KHDRBS2: variants seen among roughly 807,000 people sequenced by gnomAD.
The protein encoded by KHDRBS2 is KH domain-containing, RNA-binding, signal transduction-associated protein 2.
Under a neutral mutation model 44.3 loss-of-function variants are expected in KHDRBS2, and 26 were observed. The observed-to-expected ratio is 0.59, with a 90% CI of 0.43 to 0.81. The LOEUF (loss-of-function observed/expected upper bound fraction) is 0.81. Ranked by LOEUF, KHDRBS2 falls within the 40% of genes least tolerant of loss-of-function variation. KHDRBS2 has a pLI of 0.00. For synonymous variants in KHDRBS2, 194 were observed against 151.1 expected, an observed-to-expected ratio of 1.28 and a Z score of -2.08; for missense variants, 476 against 433.1, an observed-to-expected ratio of 1.10 and a Z score of -0.88.
the KHDRBS2 span, among the ~76,000 whole-genome samples, chr6:61,654,402 T>C: frequency 6.6e-6 from 1 of 151,882 alleles, no homozygotes; most frequent in Non-Finnish European, 1.5e-5. Flanking sequence ...AAGGGAACAA[T>C]GATTGCTAGT....
At chr6:62,183,394 C>A (rs952143708) in intron 1 of KHDRBS2, among the ~76,000 whole-genome samples, 28 of 151,380 alleles carry the variant, frequency 1.8e-4, no homozygotes, top group African/African-American at 5.8e-4. Context: ...CAACATAGAG[C>A]TATATAGAAC....
At chr6:61,973,576 A>G (rs1295485382) in intron 4 of KHDRBS2, among the ~76,000 whole-genome samples, 1 of 152,194 alleles carries the variant, frequency 6.6e-6, no homozygotes, top group African/African-American at 2.4e-5. Context: ...ACTAAGACAC[A>G]CATCCAACTA....
intron 6 of KHDRBS2, among the ~76,000 whole-genome samples, chr6:61,783,035 A>G (rs1225881940): frequency 6.6e-6 from 1 of 152,006 alleles, no homozygotes; most frequent in Non-Finnish European, 1.5e-5. Context: ...ACTGCGCACC[A>G]TGAGGCCATG....
chr6:61,841,957 T>G (rs953015784), intron 6 of KHDRBS2, among the ~76,000 whole-genome samples: 1 of 152,170 alleles, frequency 6.6e-6, no homozygotes, highest in African/African-American at 2.4e-5. Flanking sequence ...TGGTTGCAGT[T>G]TATGAGCTTT....
chr6:61,848,502 T>C lies in KHDRBS2; in HGVS notation c.810+46133A>G, dbSNP rs868427472. Among the ~76,000 whole-genome samples, 363 of 53,428 alleles carry C rather than the reference T, an allele frequency of 6.8e-3. 16 individuals carry two copies. The highest frequency in any genetic ancestry group is 0.02 in the South Asian group (30 of 1,518). 35.1% of individuals were successfully genotyped at this position (53,428 alleles called of 152,430 possible). A position where few individuals can be genotyped will look rare whatever the true frequency, so the allele number is the denominator to read the frequency against. On this transcript the variant is annotated intron_variant, in intron 6 of 8. Coordinates refer to ENST00000281156, the MANE Select transcript of KHDRBS2 (RefSeq NM_152688.4). Reference sequence around the variant, plus strand: ...ATATATATATATATGTATATATATATATATATATGTATATATGTATATATA... The same window carrying C: ...ATATATATATATATGTATATATATACATATATATGTATATATGTATATATA...
At chr6:61,566,778 A>G in the KHDRBS2 span, among the ~76,000 whole-genome samples, 1 of 152,296 alleles carries the variant, frequency 6.6e-6, no homozygotes, top group African/African-American at 2.4e-5. Context: ...TCTAAGGGCC[A>G]CAGATCCAAG....
chr6:62,285,588 T>A (rs1842373127), intron 1 of KHDRBS2, among the ~76,000 whole-genome samples: 2 of 152,202 alleles, frequency 1.3e-5, no homozygotes, highest in Non-Finnish European at 2.9e-5. Flanking sequence ...ACTTTATGGT[T>A]TCTCTATCAA....
At position 61,814,120 on chromosome 6, in the gene KHDRBS2, T is replaced by C. The variant is rs536017674; in HGVS notation, c.810+80515A>G. The C allele has an allele frequency of 6.7e-6, 3 of 449,404 alleles. No homozygotes were observed. The East Asian group carries it at 2.1e-4, about 31-fold the overall frequency. 27.8% of individuals were successfully genotyped at this position (449,404 alleles called of 1,614,324 possible). On this transcript the variant is annotated intron_variant, in intron 6 of 8. Coordinates refer to ENST00000281156, the MANE Select transcript of KHDRBS2 (RefSeq NM_152688.4). ...TGACTTTTAAGTCCACTCAAATGAGTGATTCTATGATTCTTTGAATCCTGT... is the reference window on the plus strand; with the variant it reads ...TGACTTTTAAGTCCACTCAAATGAGCGATTCTATGATTCTTTGAATCCTGT...
At chr6:61,719,172 C>T (rs1475306985) in intron 7 of KHDRBS2, among the ~76,000 whole-genome samples, 2 of 152,154 alleles carry the variant, frequency 1.3e-5, no homozygotes, top group East Asian at 3.9e-4. Context: ...TTATACCAAT[C>T]TACAGTTAAA....
At chr6:61,591,599 A>G in the KHDRBS2 span, among the ~76,000 whole-genome samples, 3 of 152,094 alleles carry the variant, frequency 2.0e-5, no homozygotes, top group East Asian at 5.8e-4. Context: ...TACTTGATCA[A>G]GCAGTGGTTT....
chr6:61,814,401 G>A (rs1002651485), intron 6 of KHDRBS2, among the ~76,000 whole-genome samples: 6 of 152,110 alleles, frequency 3.9e-5, no homozygotes, highest in Admixed American at 3.9e-4. Context: ...GAGGTCAGGA[G>A]ATCGAGACCA....
intron 4 of KHDRBS2, among the ~76,000 whole-genome samples, chr6:61,970,015 G>A (rs577320420): frequency 4.7e-4 from 71 of 152,038 alleles, no homozygotes; most frequent in African/African-American, 1.6e-3. Flanking sequence ...AACGAAGAAA[G>A]GGAATGAAAG....
intron 6 of KHDRBS2, among the ~76,000 whole-genome samples, chr6:61,853,647 C>T (rs1795771568): frequency 6.6e-6 from 1 of 152,298 alleles, no homozygotes; most frequent in Non-Finnish European, 1.5e-5. Flanking sequence ...TTGCTAGATA[C>T]TGTCTCTGTA....
intron 2 of KHDRBS2, among the ~76,000 whole-genome samples, chr6:62,049,971 C>G (rs1398027086): frequency 3.3e-5 from 5 of 152,042 alleles, no homozygotes; most frequent in Non-Finnish European, 7.4e-5. Flanking sequence ...AAGCATTCTA[C>G]TATAAAGACA....
chr6:61,622,971 G>A, the KHDRBS2 span, among the ~76,000 whole-genome samples: 7 of 152,054 alleles, frequency 4.6e-5, no homozygotes, highest in Non-Finnish European at 8.8e-5. Context: ...GCCTGAAGCT[G>A]GGAGATCACA....
intron 2 of KHDRBS2, among the ~76,000 whole-genome samples, chr6:62,065,272 T>C (rs1012871382): frequency 3.3e-5 from 5 of 152,090 alleles, no homozygotes; most frequent in South Asian, 2.1e-4. Context: ...ACCCAGCCAT[T>C]CCATTACTGG....
intron 2 of KHDRBS2, among the ~76,000 whole-genome samples, chr6:62,110,881 A>T (rs1039103855): frequency 9.9e-5 from 15 of 152,122 alleles, no homozygotes; most frequent in African/African-American, 3.4e-4. Context: ...TTTCAGCTCA[A>T]TAAAGCTGTT....
At chr6:61,766,432 T>C (rs9451612) in intron 6 of KHDRBS2, among the ~76,000 whole-genome samples, 4,645 of 152,118 alleles carry the variant, frequency 0.031, 254 homozygotes, top group African/African-American at 0.11. Flanking sequence ...TTTTGTTTCA[T>C]TGATATTTTG....
chr6:62,224,971 C>T (rs1831515795), intron 1 of KHDRBS2, among the ~76,000 whole-genome samples: 1 of 152,148 alleles, frequency 6.6e-6, no homozygotes, highest in Admixed American at 6.5e-5. Flanking sequence ...TTTTGACATT[C>T]CCTGTGATAC....
Sources: allele counts gnomAD v4.1 joint callset (sites outside exome capture counted in the v4.1 genomes callset), GRCh38; gene constraint gnomAD v4.1.1; transcripts MANE v1.5; gene names NCBI Gene and HGNC (gene_info 2026-07-23, HGNC 2026-07-21).